The following CLEC16A variants were observed in gnomAD, a reference collection of about 807,000 sequenced individuals.
CLEC16A encodes C-type lectin domain containing 16A.
A neutral mutation model predicts 109.5 loss-of-function variants in CLEC16A; 51 were observed. The observed-to-expected ratio is 0.47, with a 90% CI of 0.37 to 0.59. The LOEUF (loss-of-function observed/expected upper bound fraction) is 0.59. Ranked by LOEUF, CLEC16A falls within the 20% of genes least tolerant of loss-of-function variation. The probability of loss-of-function intolerance (pLI) is 0.00; values close to 1 mark genes in which losing one functional copy is unlikely to be tolerated. For synonymous variants in CLEC16A, 673 were observed against 564.2 expected, an observed-to-expected ratio of 1.19 and a Z score of -2.73; for missense variants, 1,339 against 1,394.0, an observed-to-expected ratio of 0.96 and a Z score of 0.63.
chr16:11,072,954 A>G (rs906136886), intron 19 of CLEC16A, among the ~76,000 whole-genome samples: 1 of 152,182 alleles, frequency 6.6e-6, no homozygotes, highest in African/African-American at 2.4e-5. Flanking sequence ...CTTTCAGGAA[A>G]GTGGGTGCCG....
At chr16:11,087,424 A>G (rs1183716575) in intron 19 of CLEC16A, among the ~76,000 whole-genome samples, 2 of 152,380 alleles carry the variant, frequency 1.3e-5, no homozygotes, top group African/African-American at 4.8e-5. Flanking sequence ...AACAAACCAC[A>G]TTTAATATGC....
At chr16:10,996,044 T>A (rs186003759) in intron 10 of CLEC16A, among the ~76,000 whole-genome samples, 1 of 152,262 alleles carries the variant, frequency 6.6e-6, no homozygotes, top group African/African-American at 2.4e-5. Flanking sequence ...TCCTTCGTGC[T>A]CAACCAAGAT....
At chr16:10,967,310 G>C (rs1318319199) in intron 3 of CLEC16A, among the ~76,000 whole-genome samples, 1 of 152,082 alleles carries the variant, frequency 6.6e-6, no homozygotes, top group East Asian at 1.9e-4. Flanking sequence ...CCTCAGTTAG[G>C]TACCTCGACG....
chr16:11,051,787 C>A, intron 18 of CLEC16A, 146 bp downstream of exon 18: 3 of 1,058,288 alleles, frequency 2.8e-6, no homozygotes, highest in Non-Finnish European at 4.0e-6. Context: ...CATTTGCCCC[C>A]AGGCATGACT....
At chr16:10,986,642 C>T (rs963891274) in intron 10 of CLEC16A, among the ~76,000 whole-genome samples, 4 of 151,986 alleles carry the variant, frequency 2.6e-5, no homozygotes, top group African/African-American at 9.7e-5. Context: ...CAGCATTTGT[C>T]TTTGTCACTG....
intron 13 of CLEC16A, 58 bp downstream of exon 13, chr16:11,024,979 T>C: frequency 8.4e-7 from 1 of 1,195,256 alleles, no homozygotes; most frequent in Non-Finnish European, 1.2e-6. Flanking sequence ...CATAGCATCC[T>C]TCCCCTCTGC....
At chr16:11,033,251 AG>A (rs1388469578) in intron 13 of CLEC16A, among the ~76,000 whole-genome samples, 1 of 151,994 alleles carries the variant, frequency 6.6e-6, no homozygotes, top group Non-Finnish European at 1.5e-5. Context: ...GGAGACAAGG[AG>A]AGTCACTAGG....
In CLEC16A at chr16:11,126,109, G is replaced by A; in HGVS notation, c.2604G>A (p.Val868=). ...GCCGGGGCAGCAGCGACCCCACAGT[G>A]CAGCGCTCCGTGTTTGCATCGGTGG... ...QGRRGSSDPT[V]QRSVFASVDK... is the part of the protein sequence containing the mutation. Residue 868 remains valine, a synonymous_variant, in exon 22 of 24, where the codon GTG becomes GTA. Transcript: ENST00000409790. 6.2e-7 allele frequency: 1 copy of A among 1,613,848 alleles called. No homozygotes were observed. Among genetic ancestry groups the A allele is most frequent in the Non-Finnish European group, 8.5e-7 (1 of 1,179,876 alleles).
chr16:11,124,398 C>A (rs141065260), intron 21 of CLEC16A, among the ~76,000 whole-genome samples: 108 of 152,318 alleles, frequency 7.1e-4, no homozygotes, highest in East Asian at 2.5e-3. Flanking sequence ...GCAGAACTTC[C>A]TACTGTAAAC....
intron 10 of CLEC16A, among the ~76,000 whole-genome samples, chr16:10,986,892 C>T (rs10438537): frequency 0.17 from 25,574 of 151,482 alleles, 2,266 homozygotes; most frequent in South Asian, 0.29. Flanking sequence ...CTGGCTCTGT[C>T]GCCCAGGCTG....
chr16:11,032,334 T>C lies in CLEC16A; in HGVS notation c.1537+7413T>C, dbSNP rs533344566. On this transcript the variant is annotated intron_variant, in intron 13 of 23. Transcript: ENST00000409790. ...GTTCCTATGAGCCGTGTGGGGCTGC[T>C]GGGGGGCAGTTGGTCAGTTAGTGAG... 1.9e-3 allele frequency among the ~76,000 whole-genome samples: 283 copies of C among 152,232 alleles called. 2 individuals are homozygous for C. Among genetic ancestry groups the C allele is most frequent in the African/African-American group, 6.6e-3 (273 of 41,536 alleles).
chr16:10,944,856 G>C, intron 1 of CLEC16A, 59 bp downstream of exon 1: 4 of 1,473,772 alleles, frequency 2.7e-6, no homozygotes, highest in Non-Finnish European at 3.7e-6. Flanking sequence ...GGGGCGCCGA[G>C]CTCCGGGTCG....
intron 19 of CLEC16A, among the ~76,000 whole-genome samples, chr16:11,100,240 TG>T (rs1170365003): frequency 6.6e-6 from 1 of 152,198 alleles, no homozygotes; most frequent in Non-Finnish European, 1.5e-5. Context: ...ATTTGGAGCC[TG>T]GGCTTTCTCA....
chr16:11,142,730 CTTA>C (rs531721968), intron 22 of CLEC16A, among the ~76,000 whole-genome samples: 8 of 152,318 alleles, frequency 5.3e-5, no homozygotes, highest in African/African-American at 1.7e-4. Flanking sequence ...ACTTCTTTAG[CTTA>C]TTGTCTTCAT....
At chr16:11,035,831 G>A (rs1042901727) in intron 13 of CLEC16A, among the ~76,000 whole-genome samples, 3 of 152,186 alleles carry the variant, frequency 2.0e-5, no homozygotes, top group African/African-American at 7.2e-5. Context: ...TTTTGACTGA[G>A]TATTTTGGTA....
chr16:11,046,944 C>T (rs1315013303), intron 16 of CLEC16A, among the ~76,000 whole-genome samples: 1 of 152,120 alleles, frequency 6.6e-6, no homozygotes, highest in Non-Finnish European at 1.5e-5. Context: ...TTTCTCCAGC[C>T]GTTCTCGACA....
At chr16:11,166,169 G>A (rs2068252239) in intron 22 of CLEC16A, among the ~76,000 whole-genome samples, 1 of 152,244 alleles carries the variant, frequency 6.6e-6, no homozygotes, top group African/African-American at 2.4e-5. Flanking sequence ...GTGGCTGGTT[G>A]TACTCTGTTC....
At chr16:10,974,310 T>C (rs904175118) in intron 7 of CLEC16A, among the ~76,000 whole-genome samples, 1 of 152,134 alleles carries the variant, frequency 6.6e-6, no homozygotes, top group African/African-American at 2.4e-5. Context: ...CTTTAAATAA[T>C]TGAATGTTAT....
chr16:10,975,427 G>A (rs1335603085), intron 7 of CLEC16A, among the ~76,000 whole-genome samples: 3 of 152,156 alleles, frequency 2.0e-5, no homozygotes, highest in African/African-American at 7.2e-5. Flanking sequence ...AAACCTAGCT[G>A]CATATATTAC....
Sources: allele counts gnomAD v4.1 joint callset (sites outside exome capture counted in the v4.1 genomes callset), GRCh38; gene constraint gnomAD v4.1.1; transcripts MANE v1.5; gene names NCBI Gene and HGNC (gene_info 2026-07-23, HGNC 2026-07-21).